Variants in ACAD9 observed in about 807,000 individuals in gnomAD.
ACAD9 encodes acyl-CoA dehydrogenase family member 9, also known as complex I assembly factor ACAD9, mitochondrial.
ACAD9 carries 53 observed loss-of-function variants against 70.2 expected under a neutral mutation model. The observed-to-expected ratio is 0.75, with a 90% confidence interval of 0.61 to 0.95. The LOEUF (loss-of-function observed/expected upper bound fraction) is 0.95, where lower values mean the gene tolerates loss of function less well. Ranked by LOEUF, ACAD9 falls within the 40% of genes least tolerant of loss-of-function variation. The probability of loss-of-function intolerance (pLI) is 0.00; values close to 1 mark genes in which losing one functional copy is unlikely to be tolerated. For missense variants in ACAD9, 777 were observed against 802.8 expected (o/e 0.97, Z 0.39); for synonymous variants, 313 against 312.1 (o/e 1.00, Z -0.03).
intron 1 of ACAD9, chr3:128,880,082 G>A (rs1213643507): frequency 1.4e-6 from 2 of 1,462,650 alleles, no homozygotes; most frequent in Admixed American, 2.1e-5. Context: ...GCTAAATTTT[G>A]TCAGGGGAAT....
chr3:128,905,248 G>A (rs1935855739), intron 11 of ACAD9, among the ~76,000 whole-genome samples: 1 of 152,214 alleles, frequency 6.6e-6, no homozygotes, highest in Non-Finnish European at 1.5e-5. Flanking sequence ...GGTGGCACAC[G>A]CCTATAGTCC....
intron 2 of ACAD9, among the ~76,000 whole-genome samples, chr3:128,885,792 A>G (rs1205665900): frequency 1.3e-5 from 2 of 152,100 alleles, no homozygotes; most frequent in Non-Finnish European, 2.9e-5. Context: ...CAACGGGGAC[A>G]GATCACCTGA....
chr3:128,906,001 C>T (rs889509705), intron 11 of ACAD9, 120 bp from the exon 12 acceptor site: 30 of 1,398,512 alleles, frequency 2.1e-5, no homozygotes, highest in Non-Finnish European at 2.8e-5. Context: ...CATCACCCCT[C>T]AAGTTCCTCC....
intron 5 of ACAD9, among the ~76,000 whole-genome samples, 182 bp downstream of exon 5, chr3:128,896,718 G>C (rs1355624447): frequency 2.0e-5 from 3 of 152,182 alleles, no homozygotes; most frequent in African/African-American, 7.2e-5. Flanking sequence ...CTCTGTCCCA[G>C]TGAGACTTGC....
At chr3:128,896,643 C>G (rs1935578554) in intron 5 of ACAD9, 107 bp downstream of exon 5, 3 of 1,108,880 alleles carry the variant, frequency 2.7e-6, no homozygotes, top group East Asian at 5.0e-5. Context: ...TTCCTTCTTT[C>G]CAAAATCTTG....
At chr3:128,910,691 G>A (rs1182633248) in intron 16 of ACAD9, 50 bp from the exon 17 acceptor site, 5 of 1,605,284 alleles carry the variant, frequency 3.1e-6, no homozygotes, top group Non-Finnish European at 3.4e-6. Context: ...AAGCTCAGAG[G>A]TCTGATTCCA....
In ACAD9 at chr3:128,902,403, C is replaced by T. The variant is rs1436794471; in HGVS notation, c.883-150C>T. The T allele has an allele frequency of 4.1e-6, 3 of 737,140 alleles. No individual in the cohort carries two copies. Among genetic ancestry groups the T allele is most frequent in the East Asian group, 2.6e-5 (1 of 38,090 alleles). 45.7% of individuals were successfully genotyped at this position (737,140 alleles called of 1,614,324 possible). ...TGTGGGGATGTTGGTAGAGCTGCAA[C>T]AGTGACTGAACCACCTTGTTCTGAG... On this transcript the variant is annotated intron_variant, in intron 8 of 17. Transcript: ENST00000308982. The surrounding 1 kb of genome is among the most constrained non-coding windows in gnomAD (Gnocchi z 4.0).
At chr3:128,909,306 G>A (rs751381176) in intron 14 of ACAD9, 38 bp from the exon 15 acceptor site, 1 of 1,609,816 alleles carries the variant, frequency 6.2e-7, no homozygotes, top group African/African-American at 1.3e-5. Context: ...GGCACTGTAG[G>A]GATGAGGTGC....
chr3:128,909,111 T>C lies in ACAD9; in HGVS notation c.1485+12T>C, dbSNP rs1374561581. On this transcript the variant is annotated intron_variant, in intron 14 of 17. Coordinates refer to ENST00000308982, the MANE Select transcript of ACAD9 (RefSeq NM_014049.5). ...ACCCCAGTCTTGCGGTGAGTGGGCCTAACAGGCATACCCCCTATTTCAATG... is the reference window on the plus strand; with the variant it reads ...ACCCCAGTCTTGCGGTGAGTGGGCCCAACAGGCATACCCCCTATTTCAATG... 2 of 1,613,794 alleles carry C rather than the reference T, an allele frequency of 1.2e-6. No individual in the cohort carries two copies. Among genetic ancestry groups the C allele is most frequent in the East Asian group, 4.5e-5 (2 of 44,868 alleles).
Position 128,902,129 on chromosome 3 carries a change from T to C in ACAD9, c.883-424T>C, listed in dbSNP as rs1935757020. ...ACCAGCTGATGGACATTGGGGTTGT[T>C]ACCGCTTTTGGCTGCTATCAGTAAT... On this transcript the variant is annotated intron_variant, in intron 8 of 17. Coordinates refer to ENST00000308982, the MANE Select transcript of ACAD9 (RefSeq NM_014049.5). The surrounding 1 kb of genome is among the most constrained non-coding windows in gnomAD (Gnocchi z 4.0). Among the ~76,000 whole-genome samples the C allele has an allele frequency of 1.3e-5, 2 of 152,266 alleles. No homozygotes were observed. The highest frequency in any genetic ancestry group is 4.1e-4 in the South Asian group (2 of 4,838).
At position 128,912,922 on chromosome 3, in the gene ACAD9, C is replaced by T. The variant is rs1936507245; in HGVS notation, c.*315C>T. 3 of 542,014 alleles carry T rather than the reference C, an allele frequency of 5.5e-6. No individual in the cohort carries two copies. Among genetic ancestry groups the T allele is most frequent in the Non-Finnish European group, 1.1e-5 (3 of 279,658 alleles). 33.6% of individuals were successfully genotyped at this position (542,014 alleles called of 1,614,324 possible). On this transcript the variant is annotated 3_prime_UTR_variant, in exon 18 of 18. Coordinates refer to ENST00000308982, the MANE Select transcript of ACAD9 (RefSeq NM_014049.5). ...GTGGAAACTGGGGCTTATGCTGCTGCCTCCAGGGTGTGAGGTGGGTGGGGA... is the reference window on the plus strand; with the variant it reads ...GTGGAAACTGGGGCTTATGCTGCTGTCTCCAGGGTGTGAGGTGGGTGGGGA...
At chr3:128,896,938 G>A (rs891088876) in intron 5 of ACAD9, among the ~76,000 whole-genome samples, 5 of 152,088 alleles carry the variant, frequency 3.3e-5, no homozygotes, top group Non-Finnish European at 5.9e-5. Context: ...GGCAGCACTC[G>A]GGACTCTGAT....
At chr3:128,908,746 T>A in intron 13 of ACAD9, 1 of 624,028 alleles carries the variant, frequency 1.6e-6, no homozygotes. Flanking sequence ...GCTGGGAAGC[T>A]GGCTGTGACT....
intron 9 of ACAD9, among the ~76,000 whole-genome samples, 175 bp from the exon 10 acceptor site, chr3:128,903,884 TCTC>T (rs1315644492): frequency 1.3e-5 from 2 of 152,124 alleles, no homozygotes; most frequent in African/African-American, 2.4e-5. Flanking sequence ...GAGGGGTGGT[TCTC>T]CTCTGACCCA....
At chr3:128,889,304 ACGCC>A (rs1935343951) in intron 2 of ACAD9, among the ~76,000 whole-genome samples, 1 of 152,040 alleles carries the variant, frequency 6.6e-6, no homozygotes, top group South Asian at 2.1e-4. Flanking sequence ...ATGAGACACC[ACGCC>A]CGGCCTACTG....
chr3:128,881,413 C>T (rs1478612839), intron 1 of ACAD9, among the ~76,000 whole-genome samples: 2 of 152,194 alleles, frequency 1.3e-5, no homozygotes, highest in Non-Finnish European at 2.9e-5. Flanking sequence ...GCACAGTTAC[C>T]CCCTCCCGCT....
At chr3:128,903,607 C>G (rs1361907545) in intron 9 of ACAD9, among the ~76,000 whole-genome samples, 1 of 152,188 alleles carries the variant, frequency 6.6e-6, no homozygotes, top group Admixed American at 6.5e-5. Context: ...GCCTGGAAGC[C>G]CCAGCCTGAG....
chr3:128,902,742 C>T lies in ACAD9; in HGVS notation c.958+114C>T. Reference sequence around the variant, plus strand: ...TCCAGGCCAGTGCTGAACCAGGCTACCAGCCTGAGCTCAGTCCCTGGGCTT... The same window carrying T: ...TCCAGGCCAGTGCTGAACCAGGCTATCAGCCTGAGCTCAGTCCCTGGGCTT... On this transcript the variant is annotated intron_variant, in intron 9 of 17. Transcript: ENST00000308982. This position sits in a 1 kb window ranked among gnomAD's most constrained non-coding sequence, Gnocchi z 4.0. 1 of 1,190,756 alleles carries T rather than the reference C, an allele frequency of 8.4e-7. No homozygotes were observed. Among genetic ancestry groups the T allele is most frequent in the Non-Finnish European group, 1.2e-6 (1 of 818,904 alleles). The allele number at this position is 1,190,756 out of a possible 1,614,324, so 73.8% of individuals were successfully genotyped here.
intron 8 of ACAD9, 41 bp downstream of exon 8, chr3:128,901,390 T>C: frequency 1.2e-6 from 2 of 1,608,338 alleles, no homozygotes; most frequent in Non-Finnish European, 8.5e-7. Context: ...GGTAGTGTCA[T>C]GAGTGCAGTT....
Sources: allele counts gnomAD v4.1 joint callset (sites outside exome capture counted in the v4.1 genomes callset), GRCh38; gene constraint gnomAD v4.1.1; non-coding constraint Gnocchi (gnomAD v3.1); transcripts MANE v1.5; gene names NCBI Gene and HGNC (gene_info 2026-07-23, HGNC 2026-07-21).